The following ACTN1 variants were observed in gnomAD, a reference collection of about 807,000 sequenced individuals.
ACTN1 encodes the protein alpha-actinin-1.
Under a neutral mutation model 119.6 loss-of-function variants are expected in ACTN1, and 30 were observed. The ratio of observed to expected loss-of-function variants is 0.25; its 90% CI spans 0.19 to 0.34. The LOEUF is 0.34. ACTN1 is among the 10% of genes least tolerant of loss of function. ACTN1 has a pLI of 1.00. For synonymous variants in ACTN1, 429 were observed against 472.6 expected, an observed-to-expected ratio of 0.91 and a Z score of 1.20; for missense variants, 764 against 1,223.4, an observed-to-expected ratio of 0.62 and a Z score of 5.60.
At position 68,874,845 on chromosome 14, in the gene ACTN1, C is replaced by T. The variant is rs1446987547; in HGVS notation, c.*14G>A. The T allele has an allele frequency of 1.3e-6, 2 of 1,554,790 alleles. No homozygotes were observed. On this transcript the variant is annotated 3_prime_UTR_variant, in exon 22 of 22. Transcript: ENST00000394419. ...GGCACGGCGCACAAGACGAGGGCGG[C>T]CGGGCGGGGTGGATTAGAGGTCACT... is the stretch of plus-strand genomic sequence containing the variant.
chr14:68,978,757 G>A lies in ACTN1; in HGVS notation c.105+195C>T, dbSNP rs954911825. On this transcript the variant is annotated intron_variant, in intron 1 of 21. Transcript: ENST00000394419. ...CTCCGGCCCGGCGTTCCCGGGCTCCGGGGCAGGGGCGCTCCCGCTTCCGCC... is the reference window on the plus strand; with the variant it reads ...CTCCGGCCCGGCGTTCCCGGGCTCCAGGGCAGGGGCGCTCCCGCTTCCGCC... The A allele has an allele frequency of 9.5e-5, 37 of 388,730 alleles. No individual in the cohort carries two copies. In the East Asian group the frequency reaches 1.6e-3, roughly 17 times the overall value. The allele number at this position is 388,730 out of a possible 1,614,324, so 24.1% of individuals were successfully genotyped here. A position where few individuals can be genotyped will look rare whatever the true frequency, so the allele number is the denominator to read the frequency against.
At position 68,874,353 on chromosome 14, in the gene ACTN1, T is replaced by C. The variant is rs895968521; in HGVS notation, c.*506A>G. On this transcript the variant is annotated 3_prime_UTR_variant, in exon 22 of 22. Coordinates refer to ENST00000394419, the MANE Select transcript of ACTN1 (RefSeq NM_001130004.2). ...GATTTTCTTTAATATCATAAAATATTTTCATGGACAAGTGAGCTAGCAAAC... is the reference window on the plus strand; with the variant it reads ...GATTTTCTTTAATATCATAAAATATCTTCATGGACAAGTGAGCTAGCAAAC... 1 of 152,548 alleles carries C rather than the reference T, an allele frequency of 6.6e-6. No individual in the cohort carries two copies. Among genetic ancestry groups the C allele is most frequent in the Non-Finnish European group, 1.5e-5 (1 of 68,148 alleles). The allele number at this position is 152,548 out of a possible 1,614,324, so 9.4% of individuals were successfully genotyped here. A position where few individuals can be genotyped will look rare whatever the true frequency, so the allele number is the denominator to read the frequency against.
chr14:68,899,377 T>G (rs2033140990), intron 8 of ACTN1, among the ~76,000 whole-genome samples: 1 of 119,306 alleles, frequency 8.4e-6, no homozygotes, highest in African/African-American at 3.5e-5. Context: ...CCACACCCCA[T>G]ACACCTCATA....
At chr14:68,891,128 T>TC (rs2032443246) in intron 10 of ACTN1, among the ~76,000 whole-genome samples, 1 of 152,282 alleles carries the variant, frequency 6.6e-6, no homozygotes, top group South Asian at 2.1e-4. Flanking sequence ...GGCTGCCGTC[T>TC]CCCCACGATG....
chr14:68,940,900 C>G (rs767619583), intron 1 of ACTN1, among the ~76,000 whole-genome samples: 3 of 152,194 alleles, frequency 2.0e-5, no homozygotes, highest in Non-Finnish European at 4.4e-5. Context: ...CTAAAATAAT[C>G]TCCCAGCAGG....
intron 1 of ACTN1, among the ~76,000 whole-genome samples, chr14:68,927,038 C>T (rs2034961462): frequency 6.6e-6 from 1 of 152,116 alleles, no homozygotes; most frequent in Non-Finnish European, 1.5e-5. Context: ...TATGGAATAC[C>T]TCTCTCTCCC....
At chr14:68,903,594 C>T (rs1384731329) in intron 7 of ACTN1, among the ~76,000 whole-genome samples, 4 of 152,020 alleles carry the variant, frequency 2.6e-5, no homozygotes, top group Non-Finnish European at 4.4e-5. Flanking sequence ...TGGACCCCAC[C>T]GTGGTCTTTT....
chr14:68,977,987 T>TC (rs1338089860), intron 1 of ACTN1: 2 of 455,786 alleles, frequency 4.4e-6, no homozygotes, highest in South Asian at 3.1e-5. Flanking sequence ...TGAGGCGCCC[T>TC]CCCCCCACCA....
At chr14:68,883,293 T>C in intron 14 of ACTN1, 1 of 510,668 alleles carries the variant, frequency 2.0e-6, no homozygotes, top group Admixed American at 3.2e-5. Context: ...CTCTGGTGTG[T>C]TCACCACCTC....
chr14:68,968,612 C>T (rs541442999), intron 1 of ACTN1, among the ~76,000 whole-genome samples: 2 of 152,224 alleles, frequency 1.3e-5, no homozygotes, highest in East Asian at 1.9e-4. Flanking sequence ...GAGAACACTG[C>T]GGTCGCAACT....
At chr14:68,906,127 G>T (rs2033656123) in intron 6 of ACTN1, among the ~76,000 whole-genome samples, 1 of 152,104 alleles carries the variant, frequency 6.6e-6, no homozygotes, top group Non-Finnish European at 1.5e-5. Flanking sequence ...TTTCAGTTTT[G>T]CAAGAAAAGA....
chr14:68,881,279 C>G (rs936588987), intron 16 of ACTN1, among the ~76,000 whole-genome samples: 2 of 152,172 alleles, frequency 1.3e-5, no homozygotes, highest in Non-Finnish European at 2.9e-5. Context: ...TCAGTTCTAA[C>G]CTAAATATTC....
rs1566643702 is a variant in ACTN1, at chr14:68,925,338, T to TTC, written c.220+219_220+220insGA. On this transcript the variant is annotated intron_variant, in intron 2 of 21. Transcript: ENST00000394419. This position sits in a 1 kb window ranked among gnomAD's most constrained non-coding sequence, Gnocchi z 4.3. ...AAACCCTTTTTTTTTTTTTTTTTTT[T>TTC]TTTAAAACAAACAAGGATGCTGAAA... Among the ~76,000 whole-genome samples the TTC allele has an allele frequency of 1.4e-5, 2 of 147,136 alleles. No homozygotes were observed. Among genetic ancestry groups the TTC allele is most frequent in the African/African-American group, 2.7e-5 (1 of 37,546 alleles).
At chr14:68,893,840 G>C (rs1465257918) in intron 8 of ACTN1, 93 bp from the exon 9 acceptor site, 8 of 1,184,820 alleles carry the variant, frequency 6.8e-6, no homozygotes, top group Non-Finnish European at 8.5e-6. Flanking sequence ...TCCCATCCCT[G>C]CAGCTCCCTG....
In ACTN1 at chr14:68,909,377, A is replaced by G. The variant is rs750804200; in HGVS notation, c.535T>C (p.Phe179Leu). The G allele has an allele frequency of 9.3e-6, 15 of 1,613,976 alleles. No individual in the cohort carries two copies. Among genetic ancestry groups the G allele is most frequent in the Non-Finnish European group, 1.3e-5 (15 of 1,180,006 alleles). ...FHISWKDGLG[F>L]CALIHRHRPE... ...CGGTGTCGGTGGATCAAAGCACAGA[A>G]GCCGAGGCCATCCTTCCAGCTGCCC... Residue 179 changes from phenylalanine to leucine, a missense_variant, in exon 6 of 22, where the codon TTC becomes CTC. By Grantham distance (22) the Phe-to-Leu change is conservative (BLOSUM62 0). This residue lies in a region of ACTN1 where 54 missense variants were observed against 153.2 expected (regional missense o/e 0.35). Coordinates refer to ENST00000394419, the MANE Select transcript of ACTN1 (RefSeq NM_001130004.2). The surrounding 1 kb of genome is among the most constrained non-coding windows in gnomAD (Gnocchi z 4.1).
rs765352842 is a variant in ACTN1, at chr14:68,925,714, T to G, written c.106-42A>C. On this transcript the variant is annotated intron_variant, in intron 1 of 21. Coordinates refer to ENST00000394419, the MANE Select transcript of ACTN1 (RefSeq NM_001130004.2). The surrounding 1 kb of genome is among the most constrained non-coding windows in gnomAD (Gnocchi z 4.3). ...AGGGCAAGTGGTCAGGGGGCTGGTG[T>G]TGTCACCCTCATTGGACAAGCCATT... The G allele has an allele frequency of 2.0e-6, 3 of 1,534,498 alleles. No individual in the cohort carries two copies. Among genetic ancestry groups the G allele is most frequent in the Non-Finnish European group, 2.7e-6 (3 of 1,115,210 alleles).
intron 1 of ACTN1, chr14:68,978,084 C>G (rs1260830727): frequency 8.8e-6 from 4 of 455,142 alleles, no homozygotes; most frequent in Non-Finnish European, 1.8e-5. Flanking sequence ...CGTGGCGGGG[C>G]GCGCACCCGG....
chr14:68,950,846 C>A (rs999106939), intron 1 of ACTN1, among the ~76,000 whole-genome samples: 5 of 152,154 alleles, frequency 3.3e-5, no homozygotes, highest in African/African-American at 1.2e-4. Context: ...CAGGCATGAG[C>A]CACCACGTCC....
rs2140019196 is a variant in ACTN1, at chr14:68,874,805, G to A, written c.*54C>T. 2.1e-6 allele frequency: 3 copies of A among 1,454,688 alleles called. No homozygotes were observed. Among genetic ancestry groups the A allele is most frequent in the South Asian group, 1.5e-5 (1 of 65,604 alleles). 90.1% of individuals were successfully genotyped at this position (1,454,688 alleles called of 1,614,324 possible). ...ACCCAGGCAGGAGATGGGCGACGGC[G>A]GAGGTGCAAGGCAGGGCACGGCGCA... On this transcript the variant is annotated 3_prime_UTR_variant, in exon 22 of 22. Coordinates refer to ENST00000394419, the MANE Select transcript of ACTN1 (RefSeq NM_001130004.2).
Sources: allele counts gnomAD v4.1 joint callset (sites outside exome capture counted in the v4.1 genomes callset), GRCh38; gene constraint gnomAD v4.1.1; regional missense constraint gnomAD v4.1.1; non-coding constraint Gnocchi (gnomAD v3.1); transcripts MANE v1.5; gene names NCBI Gene and HGNC (gene_info 2026-07-23, HGNC 2026-07-21).